Variants in DOK7 observed in about 807,000 individuals in gnomAD.
The protein encoded by DOK7 is docking protein 7.
In DOK7, 32 loss-of-function variants were observed where a neutral mutation model predicts 30.7. The ratio of observed to expected loss-of-function variants is 1.04; its 90% CI spans 0.79 to 1.40. DOK7 has a LOEUF of 1.40. DOK7 is among the 40% of genes most tolerant of loss of function. The pLI is 0.00. For missense variants in DOK7, 1,007 were observed against 699.2 expected (o/e 1.44, Z -4.97); for synonymous variants, 447 against 324.1 (o/e 1.38, Z -4.07).
chr4:3,485,539 G>C lies in DOK7; in HGVS notation c.533G>C (p.Trp178Ser). The C allele has an allele frequency of 6.2e-7, 1 of 1,601,060 alleles. No individual in the cohort carries two copies. The highest frequency in any genetic ancestry group is 2.3e-5 in the East Asian group (1 of 43,858). Residue 178 changes from tryptophan to serine, a missense_variant and splice_region_variant, in exon 5 of 7, where the codon TGG becomes TCG. Transcript: ENST00000340083. ...IFEGGTRCGYWAGVFFLSSAE... is the reference protein window; with the variant it reads ...IFEGGTRCGYSAGVFFLSSAE... ...ACCTGTCTCTGTCCTTCCTCTGCAG[G>C]GGCTGGCGTCTTCTTCCTGTCCTCG...
At position 3,468,652 on chromosome 4, in the gene DOK7, GTA is replaced by G. The variant is rs1335164216; in HGVS notation, c.101-4752_101-4751del. Among the ~76,000 whole-genome samples, 11 of 138,058 alleles carry G rather than the reference GTA, an allele frequency of 8.0e-5. No individual in the cohort carries two copies. The East Asian group carries it at 1.8e-3, about 23-fold the overall frequency. The allele number at this position is 138,058 out of a possible 152,430, so 90.6% of individuals were successfully genotyped here. ...TGTGTATATGCCTGTGTGTGTGCAT[GTA>G]TGAGTGTGTGTGCCTGTGTGCATGC... On this transcript the variant is annotated intron_variant, in intron 2 of 6. Transcript: ENST00000340083.
chr4:3,469,912 C>A (rs538395706), intron 2 of DOK7, among the ~76,000 whole-genome samples: 1 of 152,340 alleles, frequency 6.6e-6, no homozygotes, highest in Admixed American at 6.5e-5. Context: ...CGAGCGGGCC[C>A]CCAGCTCTGA....
At chr4:3,499,154 G>C (rs951540950), downstream of DOK7, among the ~76,000 whole-genome samples, 1 of 152,214 alleles carries the variant, frequency 6.6e-6, no homozygotes, top group Non-Finnish European at 1.5e-5. Flanking sequence ...CCTGGGGCAG[G>C]GAGGCCCAGC....
Position 3,489,765 on chromosome 4 carries a change from C to T in DOK7, c.741C>T (p.Leu247=), listed in dbSNP as rs1445902731. The T allele has an allele frequency of 6.4e-7, 1 of 1,573,316 alleles. No individual in the cohort carries two copies. Reference sequence around the variant, plus strand: ...TACAGCTGGAGAAGCGGCTGAGCCTCCTCTCACATGCGGGCAGGCCGGGCA... The same window carrying T: ...TACAGCTGGAGAAGCGGCTGAGCCTTCTCTCACATGCGGGCAGGCCGGGCA... ...ETLQLEKRLS[L]LSHAGRPGSG... is the part of the protein sequence containing the mutation. Residue 247 remains leucine, a synonymous_variant, in exon 6 of 7, where the codon CTC becomes CTT. Coordinates refer to ENST00000340083, the MANE Select transcript of DOK7 (RefSeq NM_173660.5).
Position 3,476,153 on chromosome 4 carries a change from A to C in DOK7, c.332-189A>C, listed in dbSNP as rs146928945. On this transcript the variant is annotated intron_variant, in intron 3 of 6. Transcript: ENST00000340083. ...TCATGATGCCCTCTCGCCCCGCCTG[A>C]CCGTGATGCCCTCTCGCCCCGCCCA... is the stretch of plus-strand genomic sequence containing the variant. 0.21 allele frequency among the ~76,000 whole-genome samples: 16,289 copies of C among 79,290 alleles called. 1,629 individuals are homozygous for C. Among genetic ancestry groups the C allele is most frequent in the East Asian group, 0.24 (903 of 3,724 alleles). The allele number at this position is 79,290 out of a possible 152,430, so 52.0% of individuals were successfully genotyped here. A position where few individuals can be genotyped will look rare whatever the true frequency, so the allele number is the denominator to read the frequency against.
chr4:3,468,698 CTGTGTATGTG>C (rs1485412911), intron 2 of DOK7, among the ~76,000 whole-genome samples: 2 of 118,442 alleles, frequency 1.7e-5, no homozygotes, highest in African/African-American at 3.6e-5. Flanking sequence ...GCATGTATGT[CTGTGTATGTG>C]TGTGTATGTG....
At chr4:3,468,327 CGA>C (rs200299301) in intron 2 of DOK7, among the ~76,000 whole-genome samples, 3,170 of 136,628 alleles carry the variant, frequency 0.023, 125 homozygotes, top group African/African-American at 0.083. Context: ...CCTGTGTGTG[CGA>C]GTGTGTGTGA....
At chr4:3,472,592 TC>T (rs1340423351) in intron 2 of DOK7, among the ~76,000 whole-genome samples, 1 of 152,130 alleles carries the variant, frequency 6.6e-6, no homozygotes, top group Non-Finnish European at 1.5e-5. Flanking sequence ...CACAGGAGTG[TC>T]CCCGGGCCAG....
chr4:3,485,816 C>T (rs1727744304), intron 5 of DOK7, among the ~76,000 whole-genome samples, 158 bp downstream of exon 5: 1 of 152,260 alleles, frequency 6.6e-6, no homozygotes, highest in Non-Finnish European at 1.5e-5. Context: ...GGATTGCAGC[C>T]TGGGCTTCTG....
intron 4 of DOK7, among the ~76,000 whole-genome samples, chr4:3,478,267 T>G (rs1490488771): frequency 6.6e-6 from 1 of 152,150 alleles, no homozygotes; most frequent in Non-Finnish European, 1.5e-5. Context: ...ACACTGGATG[T>G]TTTTCCTCTG....
exon 8 of DOK7, chr4:3,501,020 G>GGT (rs1414302536): frequency 1.2e-6 from 1 of 852,318 alleles, no homozygotes; most frequent in African/African-American, 1.7e-5. Context: ...CTGCCTCACA[G>GGT]GTGTCCGGGG....
intron 3 of DOK7, 83 bp from the exon 4 acceptor site, chr4:3,476,259 C>CCCG: frequency 1.2e-4 from 120 of 991,226 alleles, no homozygotes; most frequent in South Asian, 6.1e-4. Flanking sequence ...CCCACCCGCC[C>CCCG]GTGATGCCCT....
At position 3,493,728 on chromosome 4, in the gene DOK7, G is replaced by C. The variant is rs113865509; in HGVS notation, c.*227G>C. 3.5e-6 allele frequency: 5 copies of C among 1,422,672 alleles called. No individual in the cohort carries two copies. The highest frequency in any genetic ancestry group is 2.6e-4 in the Middle Eastern group (1 of 3,832). 88.1% of individuals were successfully genotyped at this position (1,422,672 alleles called of 1,614,324 possible). ...GCAGGGGCTCTGGGTCCGGCAGGTC[G>C]GGGTCACCAGAGCCCCAATGCTCAG... On this transcript the variant is annotated 3_prime_UTR_variant, in exon 7 of 7. Transcript: ENST00000340083.
downstream of DOK7, among the ~76,000 whole-genome samples, chr4:3,495,640 T>C (rs1728865461): frequency 6.6e-6 from 1 of 152,186 alleles, no homozygotes. Context: ...GCCAACAGGC[T>C]GGGGGCTCCT....
intron 7 of DOK7, chr4:3,500,451 C>T: frequency 1.3e-6 from 2 of 1,529,070 alleles, no homozygotes; most frequent in African/African-American, 2.7e-5. Context: ...GGGCTGGGAC[C>T]ACAGCCTCAG....
chr4:3,496,853 G>A (rs1294417496), downstream of DOK7: 3 of 1,534,950 alleles, frequency 2.0e-6, no homozygotes, highest in Non-Finnish European at 2.6e-6. Flanking sequence ...ACCTGCGACA[G>A]CACATTCAGG....
At chr4:3,475,306 G>A (rs1726997656) in intron 3 of DOK7, among the ~76,000 whole-genome samples, 1 of 152,284 alleles carries the variant, frequency 6.6e-6, no homozygotes, top group Admixed American at 6.5e-5. Flanking sequence ...CGCCCAGGCA[G>A]CTTCATCTTG....
chr4:3,500,401 G>A (rs1301958507), exon 7 of DOK7: 1 of 1,535,860 alleles, frequency 6.5e-7, no homozygotes, highest in South Asian at 1.2e-5. Flanking sequence ...GAGGGTGTCC[G>A]AGGTGGGTCC....
At chr4:3,478,858 C>G (rs1315923834) in intron 4 of DOK7, among the ~76,000 whole-genome samples, 3 of 152,146 alleles carry the variant, frequency 2.0e-5, no homozygotes, top group African/African-American at 7.2e-5. Context: ...TTAGACTCGG[C>G]CAAGCGGTGG....
Sources: allele counts gnomAD v4.1 joint callset (sites outside exome capture counted in the v4.1 genomes callset), GRCh38; gene constraint gnomAD v4.1.1; transcripts MANE v1.5; gene names NCBI Gene and HGNC (gene_info 2026-07-23, HGNC 2026-07-21).